The following ARHGAP21 variants were observed in gnomAD, a reference collection of about 807,000 sequenced individuals.
The protein encoded by ARHGAP21 is rho GTPase-activating protein 21.
Under a neutral mutation model 164.6 loss-of-function variants are expected in ARHGAP21, and 38 were observed. That is an observed-to-expected ratio of 0.23 (90% CI 0.18 to 0.30). The LOEUF is 0.30. Ranked by LOEUF, ARHGAP21 falls within the 10% of genes least tolerant of loss-of-function variation. The pLI is 1.00. For synonymous variants in ARHGAP21, 766 were observed against 857.9 expected (o/e 0.89, Z 1.87); for missense variants, 1,822 against 2,370.7 (o/e 0.77, Z 4.81).
chr10:24,606,415 T>C (rs958369567), intron 11 of ARHGAP21, among the ~76,000 whole-genome samples: 1 of 152,060 alleles, frequency 6.6e-6, no homozygotes, highest in East Asian at 1.9e-4. Flanking sequence ...ATCTTAAATA[T>C]ACGAAATGGT....
At chr10:24,696,126 C>A (rs1040380844) in intron 2 of ARHGAP21, among the ~76,000 whole-genome samples, 5 of 152,232 alleles carry the variant, frequency 3.3e-5, no homozygotes, top group Non-Finnish European at 7.3e-5. Flanking sequence ...AGGCATTGGA[C>A]ATCAGGCCCA....
intron 2 of ARHGAP21, among the ~76,000 whole-genome samples, chr10:24,676,147 CAG>C (rs763101716): frequency 7.9e-5 from 12 of 152,086 alleles, no homozygotes; most frequent in East Asian, 1.9e-4. Context: ...GACTCCGTGT[CAG>C]GGGGAAAAAA....
At chr10:24,650,721 TC>T (rs1838076749) in intron 4 of ARHGAP21, among the ~76,000 whole-genome samples, 1 of 152,170 alleles carries the variant, frequency 6.6e-6, no homozygotes, top group Non-Finnish European at 1.5e-5. Flanking sequence ...AATCAACTCT[TC>T]CACCCATGAA....
chr10:24,643,873 C>A lies in ARHGAP21; in HGVS notation c.269-8770G>T, dbSNP rs1170002810. On this transcript the variant is annotated intron_variant, in intron 4 of 25. Transcript: ENST00000396432. ...GGTTGCTGTTTCAAACTTCTAGTAACCTTCTTTTTTATTTATTTTTATAGA... is the reference window on the plus strand; with the variant it reads ...GGTTGCTGTTTCAAACTTCTAGTAAACTTCTTTTTTATTTATTTTTATAGA... Among the ~76,000 whole-genome samples the A allele has an allele frequency of 3.3e-5, 5 of 152,110 alleles. No individual in the cohort carries two copies. In the East Asian group the frequency reaches 9.6e-4, roughly 29 times the overall value.
chr10:24,631,003 G>T (rs1157508358), intron 6 of ARHGAP21, among the ~76,000 whole-genome samples: 1 of 152,198 alleles, frequency 6.6e-6, no homozygotes, highest in East Asian at 1.9e-4. Context: ...ATTTCCTGTT[G>T]AAAATGATAG....
At chr10:24,627,393 A>G (rs1165034585) in intron 7 of ARHGAP21, among the ~76,000 whole-genome samples, 3 of 152,236 alleles carry the variant, frequency 2.0e-5, no homozygotes, top group Non-Finnish European at 4.4e-5. Context: ...ACTCTGGAAT[A>G]TATGTTAGAG....
intron 9 of ARHGAP21, 37 bp from the exon 10 acceptor site, chr10:24,607,940 CTAAT>C (rs774648588): frequency 5.8e-6 from 9 of 1,544,620 alleles, no homozygotes; most frequent in Non-Finnish European, 7.9e-6. Flanking sequence ...GTTCAATGAC[CTAAT>C]TGTTATTAAT....
intron 16 of ARHGAP21, among the ~76,000 whole-genome samples, 186 bp from the exon 17 acceptor site, chr10:24,597,068 G>C (rs955869940): frequency 9.1e-6 from 1 of 109,382 alleles, no homozygotes; most frequent in Non-Finnish European, 2.1e-5. Flanking sequence ...TATAATGCGT[G>C]CTATAATTTT....
intron 2 of ARHGAP21, among the ~76,000 whole-genome samples, chr10:24,671,801 C>T (rs992449831): frequency 2.0e-4 from 30 of 150,116 alleles, no homozygotes; most frequent in Admixed American, 1.3e-3. Flanking sequence ...TAGTTCACTG[C>T]AGACTGGATC....
intron 4 of ARHGAP21, among the ~76,000 whole-genome samples, chr10:24,662,639 A>T (rs540442417): frequency 7.9e-5 from 12 of 152,286 alleles, no homozygotes; most frequent in South Asian, 6.2e-4. Flanking sequence ...ACTTTCTCCA[A>T]ATACTCTCAT....
Position 24,684,642 on chromosome 10 carries a change from T to A in ARHGAP21, c.64-14245A>T, listed in dbSNP as rs184142600. 4.7e-3 allele frequency among the ~76,000 whole-genome samples: 715 copies of A among 152,260 alleles called. 29 individuals carry two copies. The highest frequency in any genetic ancestry group is 1.2e-3 in the Non-Finnish European group (81 of 68,016). ...GGTTTTTTAATTTATGTTTTATTTT[T>A]AATTTTTGTTTTTTGAGATAGGATC... On this transcript the variant is annotated intron_variant, in intron 2 of 25. Coordinates refer to ENST00000396432, the MANE Select transcript of ARHGAP21 (RefSeq NM_020824.4).
At chr10:24,654,871 ACTACAAGG>A (rs1838631647) in intron 4 of ARHGAP21, among the ~76,000 whole-genome samples, 1 of 152,226 alleles carries the variant, frequency 6.6e-6, no homozygotes, top group African/African-American at 2.4e-5. Context: ...TTCAAACTAT[ACTACAAGG>A]CTACAGTAAC....
chr10:24,720,303 C>A, intron 2 of ARHGAP21, among the ~76,000 whole-genome samples: 1 of 148,652 alleles, frequency 6.7e-6, no homozygotes, highest in African/African-American at 2.5e-5. Context: ...AAACAGAATG[C>A]AAATACAATG....
chr10:24,649,118 T>C (rs977504515), intron 4 of ARHGAP21, among the ~76,000 whole-genome samples: 1 of 152,216 alleles, frequency 6.6e-6, no homozygotes, highest in Non-Finnish European at 1.5e-5. Context: ...ACAGATAACT[T>C]GGTAATTTTA....
At chr10:24,677,569 T>A (rs966793441) in intron 2 of ARHGAP21, among the ~76,000 whole-genome samples, 8 of 152,294 alleles carry the variant, frequency 5.3e-5, no homozygotes, top group African/African-American at 1.9e-4. Context: ...TTGTAGTTTA[T>A]CCCCCACTTC....
intron 2 of ARHGAP21, among the ~76,000 whole-genome samples, chr10:24,718,059 T>C (rs544217969): frequency 6.6e-5 from 10 of 152,172 alleles, no homozygotes; most frequent in Non-Finnish European, 1.3e-4. Flanking sequence ...GTAGGGAATC[T>C]GTTTCTGTGG....
intron 9 of ARHGAP21, among the ~76,000 whole-genome samples, chr10:24,608,405 T>C (rs141113004): frequency 3.3e-5 from 5 of 152,266 alleles, no homozygotes; most frequent in African/African-American, 1.2e-4. Flanking sequence ...AGTCTCTAGC[T>C]TCCAAAATAA....
chr10:24,684,131 A>G (rs1842019495), intron 2 of ARHGAP21, among the ~76,000 whole-genome samples: 1 of 152,110 alleles, frequency 6.6e-6, no homozygotes, highest in African/African-American at 2.4e-5. Flanking sequence ...TACTGAAAAT[A>G]CAAAAATTAG....
chr10:24,701,836 T>A (rs747306854), intron 2 of ARHGAP21, among the ~76,000 whole-genome samples: 4 of 152,198 alleles, frequency 2.6e-5, no homozygotes, highest in Non-Finnish European at 5.9e-5. Context: ...GACCGCAGGC[T>A]GTATACAAGT....
Sources: allele counts gnomAD v4.1 joint callset (sites outside exome capture counted in the v4.1 genomes callset), GRCh38; gene constraint gnomAD v4.1.1; transcripts MANE v1.5; gene names NCBI Gene and HGNC (gene_info 2026-07-23, HGNC 2026-07-21).